ANKS1B: variants seen among roughly 807,000 people sequenced by gnomAD.
The protein encoded by ANKS1B is ankyrin repeat and sterile alpha motif domain containing 1B.
In ANKS1B, 36 loss-of-function variants were observed where a neutral mutation model predicts 148.3. The ratio of observed to expected loss-of-function variants is 0.24; its 90% CI spans 0.19 to 0.32. The LOEUF (loss-of-function observed/expected upper bound fraction) is 0.32. Ranked by LOEUF, ANKS1B falls within the 10% of genes least tolerant of loss-of-function variation. ANKS1B has a pLI of 1.00. For synonymous variants in ANKS1B, 542 were observed against 560.8 expected (o/e 0.97, Z 0.47); for missense variants, 1,157 against 1,542.6 (o/e 0.75, Z 4.19).
chr12:99,378,451 C>G (rs1400222350), intron 12 of ANKS1B, among the ~76,000 whole-genome samples: 2 of 151,742 alleles, frequency 1.3e-5, no homozygotes, highest in Non-Finnish European at 2.9e-5. Flanking sequence ...GTCAAGAGAT[C>G]GAGACCATCC....
chr12:99,270,199 G>C (rs2153987689), intron 12 of ANKS1B, among the ~76,000 whole-genome samples: 1 of 152,210 alleles, frequency 6.6e-6, no homozygotes, highest in Middle Eastern at 3.4e-3. Flanking sequence ...CTCTTACCTA[G>C]TCAGTATCTC....
chr12:98,799,105 G>T, intron 21 of ANKS1B, 100 bp from the exon 22 acceptor site: 1 of 731,060 alleles, frequency 1.4e-6, no homozygotes, highest in Non-Finnish European at 2.0e-6. Flanking sequence ...AGGTTTCCTG[G>T]CTGTAAGTTG....
chr12:98,979,599 C>A (rs1457347235), intron 17 of ANKS1B, among the ~76,000 whole-genome samples: 1 of 152,104 alleles, frequency 6.6e-6, no homozygotes, highest in Admixed American at 6.5e-5. Context: ...TAGTTTATGG[C>A]AAGAAACCTG....
At chr12:98,821,913 C>CA (rs2099197033) in intron 19 of ANKS1B, among the ~76,000 whole-genome samples, 1 of 137,818 alleles carries the variant, frequency 7.3e-6, no homozygotes, top group Non-Finnish European at 1.6e-5. Flanking sequence ...TGGCCTGGGA[C>CA]TTTTTTTTTT....
chr12:99,493,694 A>G (rs1011792307), intron 10 of ANKS1B, among the ~76,000 whole-genome samples: 4 of 152,210 alleles, frequency 2.6e-5, no homozygotes, highest in African/African-American at 7.2e-5. Flanking sequence ...ATTTACTGAG[A>G]TGAGAAATTC....
chr12:99,475,885 A>T (rs2096311621), intron 10 of ANKS1B, among the ~76,000 whole-genome samples: 1 of 152,046 alleles, frequency 6.6e-6, no homozygotes, highest in South Asian at 2.1e-4. Flanking sequence ...ATTAATAATC[A>T]TAACACAAAT....
At chr12:99,338,682 ACTG>A (rs2089394475) in intron 12 of ANKS1B, among the ~76,000 whole-genome samples, 2 of 152,160 alleles carry the variant, frequency 1.3e-5, no homozygotes, top group African/African-American at 4.8e-5. Context: ...CGTGGCAAGT[ACTG>A]CCTGGTTACC....
At chr12:99,292,002 T>C (rs1280969870) in intron 12 of ANKS1B, among the ~76,000 whole-genome samples, 1 of 152,088 alleles carries the variant, frequency 6.6e-6, no homozygotes, top group Non-Finnish European at 1.5e-5. Flanking sequence ...ATACAAAAAT[T>C]AATTCAAGAT....
rs570875535 is a variant in ANKS1B, at chr12:99,876,892, G to C, written c.135-51503C>G. Among the ~76,000 whole-genome samples the C allele has an allele frequency of 7.9e-5, 12 of 152,218 alleles. No homozygotes were observed. The South Asian group carries it at 2.5e-3, about 32-fold the overall frequency. ...TGCACATAGTCAGATGGTGCAAAAA[G>C]ACTCGAAACACAGCAGTCCTGTGGC... On this transcript the variant is annotated intron_variant, in intron 1 of 26. Coordinates refer to ENST00000683438, the MANE Select transcript of ANKS1B (RefSeq NM_001352186.2).
chr12:99,485,024 C>T (rs530399190), intron 10 of ANKS1B, among the ~76,000 whole-genome samples: 10 of 151,784 alleles, frequency 6.6e-5, no homozygotes, highest in African/African-American at 1.9e-4. Context: ...TTACATTCAA[C>T]GTTAATATTG....
intron 26 of ANKS1B, among the ~76,000 whole-genome samples, chr12:98,747,659 G>A (rs1311983382): frequency 6.6e-6 from 1 of 152,182 alleles, no homozygotes; most frequent in Non-Finnish European, 1.5e-5. Context: ...GCACTCCCAT[G>A]TTTATTGCAG....
intron 1 of ANKS1B, among the ~76,000 whole-genome samples, chr12:99,836,649 G>A (rs1021223274): frequency 1.3e-5 from 2 of 152,044 alleles, no homozygotes; most frequent in Non-Finnish European, 2.9e-5. Flanking sequence ...ACCACACCGA[G>A]CCATAAACAC....
chr12:99,656,161 A>G (rs947881147), intron 8 of ANKS1B, among the ~76,000 whole-genome samples: 1 of 152,198 alleles, frequency 6.6e-6, no homozygotes, highest in African/African-American at 2.4e-5. Context: ...TCCAAAAACA[A>G]GAGAATTAAT....
At chr12:99,957,323 T>C (rs554188437) in intron 1 of ANKS1B, among the ~76,000 whole-genome samples, 29 of 152,340 alleles carry the variant, frequency 1.9e-4, no homozygotes, top group African/African-American at 6.3e-4. Context: ...TTCTCTTTGC[T>C]TAATTTTCTT....
At chr12:99,761,383 G>A (rs1233032222) in intron 8 of ANKS1B, among the ~76,000 whole-genome samples, 1 of 151,976 alleles carries the variant, frequency 6.6e-6, no homozygotes, top group African/African-American at 2.4e-5. Flanking sequence ...ATACAGGGTT[G>A]ATTAAACATA....
chr12:99,425,694 C>T (rs2095238809), intron 11 of ANKS1B, among the ~76,000 whole-genome samples: 1 of 151,500 alleles, frequency 6.6e-6, no homozygotes, highest in African/African-American at 2.4e-5. Context: ...ATCATTTTTC[C>T]TTTTATTTAT....
chr12:99,345,754 C>T (rs2090578567), intron 12 of ANKS1B, among the ~76,000 whole-genome samples: 1 of 151,850 alleles, frequency 6.6e-6, no homozygotes, highest in Admixed American at 6.6e-5. Context: ...AAACGCAAAT[C>T]CTTTAAAAGG....
chr12:99,715,022 G>C (rs1244194270), intron 8 of ANKS1B, among the ~76,000 whole-genome samples: 6 of 151,664 alleles, frequency 4.0e-5, no homozygotes, highest in African/African-American at 7.3e-5. Context: ...CCAGCTACTC[G>C]GGAGGCTAAG....
rs908500507 is a variant in ANKS1B, at chr12:99,507,206, C to G, written c.1273-2565G>C. On this transcript the variant is annotated intron_variant, in intron 9 of 26. Coordinates refer to ENST00000683438, the MANE Select transcript of ANKS1B (RefSeq NM_001352186.2). ...TTACAACGATAAGATTGTAAAGATT[C>G]TATGGAAAAAAAGAGTCTCCAGTTA... 2.0e-5 allele frequency among the ~76,000 whole-genome samples: 3 copies of G among 151,644 alleles called. No homozygotes were observed. The Admixed American group carries it at 2.0e-4, about 10-fold the overall frequency.
Sources: allele counts gnomAD v4.1 joint callset (sites outside exome capture counted in the v4.1 genomes callset), GRCh38; gene constraint gnomAD v4.1.1; transcripts MANE v1.5; gene names NCBI Gene and HGNC (gene_info 2026-07-23, HGNC 2026-07-21).